The following EXOC6B variants were observed in gnomAD, a reference collection of about 807,000 sequenced individuals.
EXOC6B encodes exocyst complex component 6B, also known as SEC15 homolog B.
In EXOC6B, 54 loss-of-function variants were observed where a neutral mutation model predicts 113.5. That is an observed-to-expected ratio of 0.48 (90% CI 0.38 to 0.60). EXOC6B has a LOEUF of 0.60. Among genes scored for constraint, EXOC6B ranks in the 20% least tolerant of loss-of-function variants. EXOC6B has a pLI of 0.00. For synonymous variants in EXOC6B, 357 were observed against 339.0 expected (o/e 1.05, Z -0.58); for missense variants, 797 against 977.5 (o/e 0.82, Z 2.46).
chr2:72,698,020 G>T (rs1308009084), intron 6 of EXOC6B, among the ~76,000 whole-genome samples: 1 of 152,124 alleles, frequency 6.6e-6, no homozygotes, highest in Non-Finnish European at 1.5e-5. Context: ...CAAAGAGACA[G>T]GAAATAAGAG....
chr2:72,532,818 G>A lies in EXOC6B; in HGVS notation c.916-17692C>T, dbSNP rs563446817. Among the ~76,000 whole-genome samples, 15 of 150,502 alleles carry A rather than the reference G, an allele frequency of 1.0e-4. No homozygotes were observed. The South Asian group carries it at 1.3e-3, about 13-fold the overall frequency. Reference sequence around the variant, plus strand: ...GCGAGACTCCATCTCAAACAACAACGACAAAAAACAAAACAAAAAAAAAAC... The same window carrying A: ...GCGAGACTCCATCTCAAACAACAACAACAAAAAACAAAACAAAAAAAAAAC... On this transcript the variant is annotated intron_variant, in intron 8 of 21. Transcript: ENST00000272427.
intron 19 of EXOC6B, among the ~76,000 whole-genome samples, chr2:72,348,219 A>G (rs541254608): frequency 1.4e-4 from 22 of 152,132 alleles, no homozygotes; most frequent in African/African-American, 5.1e-4. Flanking sequence ...CACTAATCCT[A>G]TTTACAAGGT....
chr2:72,741,556 C>A, intron 1 of EXOC6B, 87 bp from the exon 2 acceptor site: 2 of 1,142,942 alleles, frequency 1.7e-6, no homozygotes, highest in Non-Finnish European at 2.5e-6. Context: ...AAATTTAGGG[C>A]ACATAAGCCA....
At chr2:72,794,677 C>T (rs1430229360) in intron 1 of EXOC6B, among the ~76,000 whole-genome samples, 1 of 152,044 alleles carries the variant, frequency 6.6e-6, no homozygotes, top group African/African-American at 2.4e-5. Flanking sequence ...CTGTATATAC[C>T]AGGTGATAGA....
At chr2:72,502,906 T>C (rs1174795879) in intron 11 of EXOC6B, among the ~76,000 whole-genome samples, 1 of 152,204 alleles carries the variant, frequency 6.6e-6, no homozygotes, top group Non-Finnish European at 1.5e-5. Flanking sequence ...CTCTGTATTT[T>C]GGGGTCAGCA....
At chr2:72,729,500 T>G (rs1573702523) in intron 5 of EXOC6B, among the ~76,000 whole-genome samples, 1 of 150,548 alleles carries the variant, frequency 6.6e-6, no homozygotes, top group African/African-American at 2.5e-5. Flanking sequence ...AACCTCTGCC[T>G]CCCAAATTCG....
chr2:72,192,363 G>A (rs1406355507), intron 20 of EXOC6B, among the ~76,000 whole-genome samples: 1 of 152,146 alleles, frequency 6.6e-6, no homozygotes, highest in African/African-American at 2.4e-5. Context: ...CCAAACCTAA[G>A]CTCCTCTTGC....
rs142223207 is a variant in EXOC6B, at chr2:72,470,935, G to A, written c.1801-5596C>T. On this transcript the variant is annotated intron_variant, in intron 17 of 21. Coordinates refer to ENST00000272427, the MANE Select transcript of EXOC6B (RefSeq NM_015189.3). ...AGTGCCGCAATAAACATACATGGGC[G>A]TGTATCTTTATAGCAGCATGATTTG... is the stretch of plus-strand genomic sequence containing the variant. 4.1e-3 allele frequency among the ~76,000 whole-genome samples: 630 copies of A among 152,214 alleles called. 2 individuals are homozygous for A. The highest frequency in any genetic ancestry group is 6.6e-3 in the Non-Finnish European group (452 of 67,994).
chr2:72,603,936 C>T (rs1486316743), intron 6 of EXOC6B, among the ~76,000 whole-genome samples: 1 of 152,128 alleles, frequency 6.6e-6, no homozygotes, highest in African/African-American at 2.4e-5. Flanking sequence ...ACCCACTACA[C>T]TTTTCCCTTA....
At chr2:72,247,549 T>A (rs1340519219) in intron 20 of EXOC6B, among the ~76,000 whole-genome samples, 1 of 152,230 alleles carries the variant, frequency 6.6e-6, no homozygotes, top group Non-Finnish European at 1.5e-5. Flanking sequence ...TGTGATGAAC[T>A]GATGGTGTGT....
At chr2:72,541,929 C>T (rs1287050461) in intron 8 of EXOC6B, among the ~76,000 whole-genome samples, 5 of 152,192 alleles carry the variant, frequency 3.3e-5, no homozygotes, top group Non-Finnish European at 7.3e-5. Flanking sequence ...CTGCCTTGGC[C>T]TCCTAAAGTG....
chr2:72,639,037 G>A (rs902275073), intron 6 of EXOC6B, among the ~76,000 whole-genome samples: 2 of 152,164 alleles, frequency 1.3e-5, no homozygotes, highest in Non-Finnish European at 1.5e-5. Flanking sequence ...GAGTAGGGCA[G>A]CCCCTGTGAC....
chr2:72,459,808 C>T (rs1283137321), intron 18 of EXOC6B, among the ~76,000 whole-genome samples: 3 of 152,174 alleles, frequency 2.0e-5, no homozygotes, highest in Admixed American at 2.0e-4. Flanking sequence ...TCAATGCCAT[C>T]CCCATCAAGC....
intron 1 of EXOC6B, among the ~76,000 whole-genome samples, chr2:72,807,690 G>GC (rs1345593911): frequency 6.6e-6 from 1 of 152,116 alleles, no homozygotes; most frequent in Non-Finnish European, 1.5e-5. Flanking sequence ...CCTGTCATTT[G>GC]CAATAACATG....
At chr2:72,282,048 C>A (rs1260335979) in intron 20 of EXOC6B, among the ~76,000 whole-genome samples, 1 of 152,060 alleles carries the variant, frequency 6.6e-6, no homozygotes, top group Non-Finnish European at 1.5e-5. Context: ...GGAAAATGTT[C>A]TTCAATAATG....
At chr2:72,755,480 G>A (rs13391151) in intron 1 of EXOC6B, among the ~76,000 whole-genome samples, 7,495 of 152,106 alleles carry the variant, frequency 0.049, 609 homozygotes, top group African/African-American at 0.17. Context: ...AAGAGCCAAA[G>A]CAGTGCCCAA....
chr2:72,731,756 T>G (rs1468984923), intron 3 of EXOC6B, among the ~76,000 whole-genome samples: 1 of 152,192 alleles, frequency 6.6e-6, no homozygotes, highest in South Asian at 2.1e-4. Flanking sequence ...ATTCATCCTA[T>G]ACCCATACCT....
chr2:72,649,405 C>T (rs556969697), intron 6 of EXOC6B, among the ~76,000 whole-genome samples: 3 of 151,948 alleles, frequency 2.0e-5, no homozygotes, highest in Non-Finnish European at 2.9e-5. Flanking sequence ...TGACAATGTC[C>T]CATTATCCTG....
chr2:72,789,551 C>T (rs919427492), intron 1 of EXOC6B, among the ~76,000 whole-genome samples: 19 of 152,144 alleles, frequency 1.2e-4, no homozygotes, highest in Admixed American at 4.6e-4. Context: ...GGTCTGATTA[C>T]ATGAATATGT....
Sources: allele counts gnomAD v4.1 joint callset (sites outside exome capture counted in the v4.1 genomes callset), GRCh38; gene constraint gnomAD v4.1.1; transcripts MANE v1.5; gene names NCBI Gene and HGNC (gene_info 2026-07-23, HGNC 2026-07-21).